EPG5: variants seen among roughly 807,000 people sequenced by gnomAD.
EPG5 encodes ectopic P-granules 5 autophagy tethering factor, also known as ectopic P granules protein 5 homolog.
Under a neutral mutation model 302.7 loss-of-function variants are expected in EPG5, and 159 were observed. That is an observed-to-expected ratio of 0.53 (90% CI 0.46 to 0.60). The LOEUF (loss-of-function observed/expected upper bound fraction) is 0.60. EPG5 is among the 20% of genes least tolerant of loss of function. EPG5 has a pLI of 0.00. For missense variants in EPG5, 2,896 were observed against 3,092.4 expected (o/e 0.94, Z 1.51); for synonymous variants, 1,158 against 1,136.8 (o/e 1.02, Z -0.37).
chr18:45,803,559 G>C, the EPG5 span, among the ~76,000 whole-genome samples: 2 of 152,200 alleles, frequency 1.3e-5, no homozygotes, highest in African/African-American at 4.8e-5. Flanking sequence ...AGAACTGGCA[G>C]ACAGAGTTTG....
At chr18:45,816,605 C>A in the EPG5 span, among the ~76,000 whole-genome samples, 1 of 151,958 alleles carries the variant, frequency 6.6e-6, no homozygotes, top group East Asian at 1.9e-4. Flanking sequence ...CAGGAATGGC[C>A]ATAATAAAAA....
At chr18:45,935,329 G>C (rs1436228904) in intron 10 of EPG5, among the ~76,000 whole-genome samples, 1 of 152,186 alleles carries the variant, frequency 6.6e-6, no homozygotes, top group Non-Finnish European at 1.5e-5. Flanking sequence ...GATCACTTGA[G>C]GTCAGGAGTT....
intron 23 of EPG5, among the ~76,000 whole-genome samples, chr18:45,909,882 GC>G (rs1194989640): frequency 6.6e-6 from 1 of 152,192 alleles, no homozygotes; most frequent in Non-Finnish European, 1.5e-5. Flanking sequence ...GGAGTTTGGG[GC>G]TGAGGTGCAC....
Position 45,860,900 on chromosome 18 carries a change from C to T in EPG5, c.6767-554G>A, listed in dbSNP as rs541440753. 3.3e-5 allele frequency among the ~76,000 whole-genome samples: 5 copies of T among 151,962 alleles called. No homozygotes were observed. The South Asian group carries it at 1.0e-3, about 32-fold the overall frequency. On this transcript the variant is annotated intron_variant, in intron 39 of 43. Coordinates refer to ENST00000282041, the MANE Select transcript of EPG5 (RefSeq NM_020964.3). ...TTGTTTTTTAAATAAGGAAAGTAAA[C>T]CAACTGGTAATTTTTCAAAAAAAAT...
At chr18:45,877,886 C>T (rs4890603) in intron 34 of EPG5, among the ~76,000 whole-genome samples, 73,173 of 151,944 alleles carry the variant, frequency 0.48, 18,354 homozygotes, top group East Asian at 0.58. Context: ...AAAAAAAAGA[C>T]TCAGAAGGCA....
chr18:45,884,606 T>A lies in EPG5; in HGVS notation c.5304+11A>T. ...TTTCAACAATATGGTGAGGATGGAATTACATCTTACCTTGGTTAGCAGCAT... is the reference window on the plus strand; with the variant it reads ...TTTCAACAATATGGTGAGGATGGAAATACATCTTACCTTGGTTAGCAGCAT... On this transcript the variant is annotated intron_variant, in intron 30 of 43. Coordinates refer to ENST00000282041, the MANE Select transcript of EPG5 (RefSeq NM_020964.3). 1 of 1,591,770 alleles carries A rather than the reference T, an allele frequency of 6.3e-7. No individual in the cohort carries two copies. The highest frequency in any genetic ancestry group is 1.4e-5 in the African/African-American group (1 of 73,234).
At chr18:45,814,558 T>C in the EPG5 span, among the ~76,000 whole-genome samples, 113,026 of 152,156 alleles carry the variant, frequency 0.74, 42,877 homozygotes, top group East Asian at 0.92. Flanking sequence ...TATACAGTTA[T>C]TATGTAAGAG....
At chr18:45,904,787 T>C (rs1418069059) in intron 24 of EPG5, among the ~76,000 whole-genome samples, 1 of 152,230 alleles carries the variant, frequency 6.6e-6, no homozygotes, top group Non-Finnish European at 1.5e-5. Context: ...ACTTGAACAT[T>C]GACTAAATAT....
chr18:45,838,764 C>G, the EPG5 span: 1 of 1,576,506 alleles, frequency 6.3e-7, no homozygotes, highest in African/African-American at 1.4e-5. Flanking sequence ...GTCCGGCTCA[C>G]GCCTTCCGCG....
At chr18:45,811,246 T>C in the EPG5 span, among the ~76,000 whole-genome samples, 3 of 152,306 alleles carry the variant, frequency 2.0e-5, no homozygotes, top group South Asian at 2.1e-4. Context: ...GATGATATGA[T>C]TGTTTACCTA....
At position 45,965,458 on chromosome 18, in the gene EPG5, G is replaced by A. The variant is rs546519820; in HGVS notation, c.63+1719C>T. Among the ~76,000 whole-genome samples, 5 of 151,464 alleles carry A rather than the reference G, an allele frequency of 3.3e-5. No homozygotes were observed. In the South Asian group the frequency reaches 1.0e-3, roughly 31 times the overall value. ...ACCCTCTAAACCTAAAATAAAAGTT[G>A]GAAAGAAAAAAAAAGAGCATCATAA... is the stretch of plus-strand genomic sequence containing the variant. On this transcript the variant is annotated intron_variant, in intron 1 of 43. Coordinates refer to ENST00000282041, the MANE Select transcript of EPG5 (RefSeq NM_020964.3).
intron 10 of EPG5, among the ~76,000 whole-genome samples, chr18:45,935,445 G>C (rs1366213115): frequency 6.6e-6 from 1 of 152,200 alleles, no homozygotes; most frequent in Non-Finnish European, 1.5e-5. Flanking sequence ...GGGAGGCTGA[G>C]GCAGGAGAAT....
intron 20 of EPG5, among the ~76,000 whole-genome samples, chr18:45,914,563 C>A (rs1365218390): frequency 6.6e-6 from 1 of 152,264 alleles, no homozygotes; most frequent in Non-Finnish European, 1.5e-5. Flanking sequence ...TGGTTATGTG[C>A]GAAGCACTGT....
chr18:45,909,889 T>C (rs1264645552), intron 23 of EPG5, among the ~76,000 whole-genome samples: 1 of 152,234 alleles, frequency 6.6e-6, no homozygotes, highest in Non-Finnish European at 1.5e-5. Context: ...GGGGCTGAGG[T>C]GCACTATGAT....
chr18:45,939,625 C>T lies in EPG5; in HGVS notation c.2074G>A (p.Val692Ile). 1.9e-6 allele frequency: 3 copies of T among 1,614,168 alleles called. No homozygotes were observed. The highest frequency in any genetic ancestry group is 2.5e-6 in the Non-Finnish European group (3 of 1,180,022). ...CTTTTGGCCTTCAGCACATGTAGGACAGCCCTCAAAAACAGTTCATCAAAT... is the reference window on the plus strand; with the variant it reads ...CTTTTGGCCTTCAGCACATGTAGGATAGCCCTCAAAAACAGTTCATCAAAT... Reference protein sequence around the residue: ...VEFDELFLRAVLHVLKAKRLG... With the variant: ...VEFDELFLRAILHVLKAKRLG... Residue 692 changes from valine (V) to isoleucine (I), a missense_variant, in exon 10 of 44, where the codon GTC becomes ATC. By Grantham distance (29) the Val-to-Ile change is conservative. Around this residue, in one of 5 missense-constraint regions of EPG5, gnomAD observed 1,390 missense variants for 1,430.0 expected, o/e 0.97. Transcript: ENST00000282041.
chr18:45,860,123 G>A lies in EPG5; in HGVS notation c.6990C>T (p.Ile2330=). Residue 2330 remains isoleucine (I), a synonymous_variant, in exon 40 of 44, where the codon ATC becomes ATT. Coordinates refer to ENST00000282041, the MANE Select transcript of EPG5 (RefSeq NM_020964.3). ...RHMAETTEAC[I]TAYFKESPLN... is the part of the protein sequence containing the mutation. ...TCTTACTTTCTTTGAAGTAGGCAGT[G>A]ATGCAGGCTTCTGTAGTCTCAGCCA... The A allele has an allele frequency of 6.2e-7, 1 of 1,614,242 alleles. No individual in the cohort carries two copies. The highest frequency in any genetic ancestry group is 8.5e-7 in the Non-Finnish European group (1 of 1,180,048).
chr18:45,965,625 C>A (rs1313112749), intron 1 of EPG5, among the ~76,000 whole-genome samples: 1 of 152,216 alleles, frequency 6.6e-6, no homozygotes, highest in East Asian at 1.9e-4. Flanking sequence ...ACATCACCCA[C>A]TTCTGGGGAA....
At chr18:45,873,791 A>G (rs983833926) in intron 35 of EPG5, among the ~76,000 whole-genome samples, 1 of 152,230 alleles carries the variant, frequency 6.6e-6, no homozygotes, top group South Asian at 2.1e-4. Context: ...ACACCTCTTC[A>G]AGGTAAGATA....
chr18:45,889,731 T>C, intron 28 of EPG5, 67 bp downstream of exon 28: 2 of 1,449,958 alleles, frequency 1.4e-6, no homozygotes, highest in Non-Finnish European at 1.9e-6. Context: ...GGTGGTATAG[T>C]AGCATGTATG....
Sources: gnomAD v4.1 joint callset for allele counts (sites outside exome capture counted in the v4.1 genomes callset) on GRCh38, gnomAD v4.1.1 for gene constraint, gnomAD v4.1.1 regional missense constraint, MANE v1.5 for transcripts, NCBI Gene and HGNC (gene_info 2026-07-23, HGNC 2026-07-21) for gene names.